Variants in ADNP observed in about 807,000 individuals in gnomAD.
ADNP encodes activity-dependent neuroprotector homeobox protein.
A neutral mutation model predicts 84.9 loss-of-function variants in ADNP; 4 were observed. The observed-to-expected ratio is 0.05, with a 90% CI of 0.02 to 0.11. ADNP has a LOEUF of 0.11. Among genes scored for constraint, ADNP ranks in the 10% least tolerant of loss-of-function variants. The pLI is 1.00. For synonymous variants in ADNP, 554 were observed against 468.1 expected (o/e 1.18, Z -2.37); for missense variants, 1,132 against 1,326.0 (o/e 0.85, Z 2.27).
chr20:50,897,684 T>C (rs1484139442), intron 5 of ADNP, among the ~76,000 whole-genome samples: 1 of 152,186 alleles, frequency 6.6e-6, no homozygotes, highest in South Asian at 2.1e-4. Flanking sequence ...GACAAAGGCC[T>C]TTCTCAGATA....
intron 2 of ADNP, among the ~76,000 whole-genome samples, chr20:50,920,552 A>AT (rs1983889723): frequency 1.3e-5 from 2 of 149,986 alleles, no homozygotes; most frequent in South Asian, 4.2e-4. Flanking sequence ...CCTGGACTCC[A>AT]TTAAAAAAAA....
chr20:50,923,526 AT>A (rs562073671), intron 2 of ADNP, among the ~76,000 whole-genome samples: 2 of 149,966 alleles, frequency 1.3e-5, no homozygotes, highest in Non-Finnish European at 1.5e-5. Context: ...TTTTATTTTT[AT>A]TTTTTTTTGA....
At chr20:50,921,728 G>A (rs1395074108) in intron 2 of ADNP, among the ~76,000 whole-genome samples, 2 of 152,190 alleles carry the variant, frequency 1.3e-5, no homozygotes, top group Non-Finnish European at 1.5e-5. Context: ...GATGCCTGAG[G>A]GACAAGGTGA....
intron 5 of ADNP, among the ~76,000 whole-genome samples, chr20:50,897,476 T>C (rs4811100): frequency 0.45 from 68,969 of 152,056 alleles, 17,181 homozygotes; most frequent in African/African-American, 0.68. Flanking sequence ...GCCATCTCAA[T>C]CACAGACTTT....
intron 5 of ADNP, among the ~76,000 whole-genome samples, chr20:50,896,616 G>A (rs1236522443): frequency 1.3e-5 from 2 of 152,016 alleles, no homozygotes; most frequent in Admixed American, 6.6e-5. Flanking sequence ...AGACACAAAC[G>A]CATACGTTAG....
In ADNP at chr20:50,910,759, A is replaced by G. The variant is rs561421710; in HGVS notation, c.-89-5910T>C. On this transcript the variant is annotated intron_variant, in intron 2 of 5. Coordinates refer to ENST00000621696, the MANE Select transcript of ADNP (RefSeq NM_001282531.3). ...AGCCTCAATTCTCCAGGCTCAAGCA[A>G]TCCTTCTGCCTCAGCCTCGCAAGTA... Among the ~76,000 whole-genome samples the G allele has an allele frequency of 2.6e-5, 4 of 152,212 alleles. No individual in the cohort carries two copies. The South Asian group carries it at 8.3e-4, about 32-fold the overall frequency.
At chr20:50,911,974 C>T (rs910251817) in intron 2 of ADNP, among the ~76,000 whole-genome samples, 2 of 151,774 alleles carry the variant, frequency 1.3e-5, no homozygotes, top group African/African-American at 2.4e-5. Flanking sequence ...TTATAATGTT[C>T]GGGAACCAAA....
At chr20:50,910,040 CAA>C (rs1242317586) in intron 2 of ADNP, among the ~76,000 whole-genome samples, 5 of 152,102 alleles carry the variant, frequency 3.3e-5, no homozygotes, top group Admixed American at 6.5e-5. Context: ...CACCCACAAC[CAA>C]AAGTCTTGAC....
chr20:50,926,578 C>G lies in ADNP; in HGVS notation c.-90+2073G>C, dbSNP rs1485953107. ...GATGTATTGTCCCCAAACTACATCT[C>G]AAAACTAAATGTACTTTCCCCAAAC... On this transcript the variant is annotated intron_variant, in intron 2 of 5. Transcript: ENST00000621696. Among the ~76,000 whole-genome samples the G allele has an allele frequency of 3.3e-5, 5 of 152,238 alleles. No individual in the cohort carries two copies. In the East Asian group the frequency reaches 9.6e-4, roughly 29 times the overall value.
chr20:50,925,867 A>T (rs1215832730), intron 2 of ADNP, among the ~76,000 whole-genome samples: 1 of 152,236 alleles, frequency 6.6e-6, no homozygotes, highest in Non-Finnish European at 1.5e-5. Flanking sequence ...TGGGGAGGCC[A>T]AGGCAGGCGG....
chr20:50,897,503 C>T (rs946575968), intron 5 of ADNP, among the ~76,000 whole-genome samples: 8 of 152,140 alleles, frequency 5.3e-5, no homozygotes, highest in African/African-American at 1.9e-4. Context: ...TATGCAAATC[C>T]TTTTAAGTCA....
At chr20:50,925,829 G>C (rs191181811) in intron 2 of ADNP, among the ~76,000 whole-genome samples, 1 of 152,220 alleles carries the variant, frequency 6.6e-6, no homozygotes, top group Non-Finnish European at 1.5e-5. Flanking sequence ...GGCTGGGAGC[G>C]GTGGCTCACG....
rs1980719102 is a variant in ADNP, at chr20:50,891,539, T to G, written c.3175A>C (p.Asn1059His). ...NASENDERLSNPQIEWQNSTI... is the reference protein window; with the variant it reads ...NASENDERLSHPQIEWQNSTI... ...CTATTCTGCCACTCAATCTGGGGGT[T>G]AGATAAGCGCTCATCATTCTCAGAT... Residue 1059 changes from asparagine to histidine, a missense_variant, in exon 6 of 6, where the codon AAC (asparagine) becomes CAC (histidine). Around this residue, in one of 10 missense-constraint regions of ADNP, gnomAD observed 381 missense variants for 319.9 expected, o/e 1.19. Transcript: ENST00000621696. The G allele has an allele frequency of 1.9e-6, 3 of 1,612,048 alleles. No individual in the cohort carries two copies. Among genetic ancestry groups the G allele is most frequent in the Non-Finnish European group, 1.7e-6 (2 of 1,180,030 alleles).
chr20:50,923,312 T>C (rs6020854), intron 2 of ADNP, among the ~76,000 whole-genome samples: 1 of 152,084 alleles, frequency 6.6e-6, no homozygotes, highest in African/African-American at 2.4e-5. Flanking sequence ...TTTCCCACAA[T>C]AGGAAATATA....
rs1323561074 is a variant in ADNP, at chr20:50,893,271, A to T, written c.1443T>A (p.Ile481=). 1.2e-6 allele frequency: 2 copies of T among 1,614,136 alleles called. No homozygotes were observed. The highest frequency in any genetic ancestry group is 1.3e-5 in the African/African-American group (1 of 74,940). ...TGCTAGTAAAATTGTGTATTTTCAT[A>T]ATGTAGTTGGCTACTGCTGGGACTT... ...AEKVPAVANY[I]MKIHNFTSKC... Residue 481 remains isoleucine (I), a synonymous_variant, in exon 6 of 6, where the codon ATT becomes ATA. Coordinates refer to ENST00000621696, the MANE Select transcript of ADNP (RefSeq NM_001282531.3). The surrounding 1 kb of genome is among the most constrained non-coding windows in gnomAD (Gnocchi z 4.4).
Position 50,890,874 on chromosome 20 carries a change from A to G in ADNP, c.*531T>C. ...TATTACACAGCAAGGGCAACACTAAAAAAAGAAATCTATGATGGGCACACA... is the reference window on the plus strand; with the variant it reads ...TATTACACAGCAAGGGCAACACTAAGAAAAGAAATCTATGATGGGCACACA... On this transcript the variant is annotated 3_prime_UTR_variant, in exon 6 of 6. Transcript: ENST00000621696. 4 of 973,286 alleles carry G rather than the reference A, an allele frequency of 4.1e-6. No homozygotes were observed. Among genetic ancestry groups the G allele is most frequent in the Non-Finnish European group, 4.9e-6 (4 of 818,626 alleles). 60.3% of individuals were successfully genotyped at this position (973,286 alleles called of 1,614,324 possible).
intron 2 of ADNP, among the ~76,000 whole-genome samples, chr20:50,927,826 T>C (rs778215588): frequency 1.3e-5 from 2 of 152,232 alleles, no homozygotes; most frequent in Non-Finnish European, 2.9e-5. Context: ...TTCAACACTG[T>C]ATCCCATTCG....
intron 2 of ADNP, among the ~76,000 whole-genome samples, chr20:50,911,210 TTTTCAG>T (rs1280282902): frequency 1.3e-5 from 2 of 152,192 alleles, no homozygotes; most frequent in Non-Finnish European, 2.9e-5. Flanking sequence ...TGCAGAAACT[TTTTCAG>T]TTTAAGTCCC....
intron 2 of ADNP, among the ~76,000 whole-genome samples, chr20:50,905,806 AAATT>A (rs1270604756): frequency 6.6e-6 from 1 of 152,240 alleles, no homozygotes; most frequent in Non-Finnish European, 1.5e-5. Flanking sequence ...CTTCTGATAT[AAATT>A]AAGACCAAAT....
Sources: gnomAD v4.1 joint callset for allele counts (sites outside exome capture counted in the v4.1 genomes callset) on GRCh38, gnomAD v4.1.1 for gene constraint, gnomAD v4.1.1 regional missense constraint, Gnocchi (gnomAD v3.1) non-coding constraint, MANE v1.5 for transcripts, NCBI Gene and HGNC (gene_info 2026-07-23, HGNC 2026-07-21) for gene names.